SMG6: variants seen among roughly 807,000 people sequenced by gnomAD.
The protein encoded by SMG6 is telomerase-binding protein EST1A.
Under a neutral mutation model 142.2 loss-of-function variants are expected in SMG6, and 66 were observed. The ratio of observed to expected loss-of-function variants is 0.46; its 90% CI spans 0.38 to 0.57. The LOEUF is 0.57. Among genes scored for constraint, SMG6 ranks in the 20% least tolerant of loss-of-function variants. The probability of loss-of-function intolerance (pLI) is 0.00; values close to 1 mark genes in which losing one functional copy is unlikely to be tolerated. For synonymous variants in SMG6, 779 were observed against 702.4 expected, an observed-to-expected ratio of 1.11 and a Z score of -1.72; for missense variants, 1,793 against 1,832.0, an observed-to-expected ratio of 0.98 and a Z score of 0.39.
intron 9 of SMG6, among the ~76,000 whole-genome samples, chr17:2,241,388 ACT>A (rs1440537277): frequency 6.6e-6 from 1 of 152,186 alleles, no homozygotes; most frequent in Non-Finnish European, 1.5e-5. Flanking sequence ...AATTTCTCTT[ACT>A]GTCATCCCAT....
At position 2,078,109 on chromosome 17, in the gene SMG6, G is replaced by C. The variant is rs180992988; in HGVS notation, c.3681+3701C>G. On this transcript the variant is annotated intron_variant, in intron 15 of 18. Transcript: ENST00000263073. The stretch of plus-strand genomic sequence containing the variant: ...GCAGTGAATAGGAGCCTGGTGGGCA[G>C]GAGCCTGGTATGCTACAAACTCCAG... 4.3e-4 allele frequency among the ~76,000 whole-genome samples: 66 copies of C among 152,252 alleles called. 1 individual carries two copies. The East Asian group carries it at 0.012, about 27-fold the overall frequency.
At chr17:2,119,730 C>T (rs1423054390) in intron 13 of SMG6, among the ~76,000 whole-genome samples, 1 of 151,932 alleles carries the variant, frequency 6.6e-6, no homozygotes, top group African/African-American at 2.4e-5. Context: ...GGCGTGATCT[C>T]GGCTCACTGC....
chr17:2,149,041 C>T (rs1227432061), intron 13 of SMG6, among the ~76,000 whole-genome samples: 3 of 151,956 alleles, frequency 2.0e-5, no homozygotes, highest in East Asian at 1.9e-4. Context: ...TGCTGTAGAA[C>T]CGTACATTTA....
rs532900193 is a variant in SMG6, at chr17:2,091,440, G to C, written c.3358-5539C>G. 5.3e-5 allele frequency among the ~76,000 whole-genome samples: 8 copies of C among 152,288 alleles called. No individual in the cohort carries two copies. The South Asian group carries it at 1.2e-3, about 24-fold the overall frequency. ...GAAGTTGGTATGAAATTGAGAAAGA[G>C]GCTCATGGGTCAGAGAGGAGGGAAA... On this transcript the variant is annotated intron_variant, in intron 13 of 18. Transcript: ENST00000263073.
intron 16 of SMG6, 199 bp from the exon 17 acceptor site, chr17:2,065,878 C>T (rs1935413211): frequency 1.7e-6 from 1 of 591,668 alleles, no homozygotes; most frequent in Non-Finnish European, 3.0e-6. Context: ...GCTCTACTCC[C>T]TTTCTGTCTC....
At chr17:2,188,232 A>G (rs1458829961) in intron 11 of SMG6, among the ~76,000 whole-genome samples, 167 bp downstream of exon 11, 1 of 152,120 alleles carries the variant, frequency 6.6e-6, no homozygotes, top group Non-Finnish European at 1.5e-5. Flanking sequence ...TCAGACTGTA[A>G]AAGGAAATGG....
chr17:2,065,399 C>T, intron 17 of SMG6, 69 bp downstream of exon 17: 3 of 1,490,974 alleles, frequency 2.0e-6, no homozygotes, highest in Non-Finnish European at 1.8e-6. Flanking sequence ...CCTCCTTCAG[C>T]CCTTCCTTCC....
chr17:2,223,367 T>G (rs2073231471), intron 10 of SMG6, among the ~76,000 whole-genome samples: 1 of 152,202 alleles, frequency 6.6e-6, no homozygotes, highest in Admixed American at 6.5e-5. Flanking sequence ...CTTCAAGATA[T>G]GAGTCTTATA....
intron 13 of SMG6, among the ~76,000 whole-genome samples, chr17:2,126,925 T>C (rs1234208692): frequency 7.1e-6 from 1 of 140,986 alleles, no homozygotes; most frequent in Non-Finnish European, 1.5e-5. Context: ...GACACAAACA[T>C]ACATGCACAC....
chr17:2,297,185 CTAGA>C lies in SMG6; in HGVS notation c.2151+54_2151+57del, dbSNP rs767425770. 238 of 1,246,344 alleles carry C rather than the reference CTAGA, an allele frequency of 1.9e-4. 2 individuals are homozygous for C. The Middle Eastern group carries it at 2.3e-3, about 12-fold the overall frequency. The allele number at this position is 1,246,344 out of a possible 1,614,324, so 77.2% of individuals were successfully genotyped here. On this transcript the variant is annotated intron_variant, in intron 4 of 18. Coordinates refer to ENST00000263073, the MANE Select transcript of SMG6 (RefSeq NM_017575.5). ...TACAGTGTCTAGCACATACCTAACA[CTAGA>C]TAAACGCTTACGAAATGAATGAAAA...
intron 10 of SMG6, among the ~76,000 whole-genome samples, chr17:2,194,275 G>A (rs548413772): frequency 1.3e-5 from 2 of 152,310 alleles, no homozygotes; most frequent in Non-Finnish European, 2.9e-5. Flanking sequence ...AACAGTGAGG[G>A]AGCACTCACT....
chr17:2,297,275 G>C lies in SMG6; in HGVS notation c.2119C>G (p.Leu707Val). The C allele has an allele frequency of 6.2e-7, 1 of 1,611,100 alleles. No homozygotes were observed. The highest frequency in any genetic ancestry group is 1.1e-5 in the South Asian group (1 of 90,340). The change falls in exon 4 of 19, where the codon CTT (leucine) becomes GTT (valine). Residue 707 changes from leucine to valine, a missense_variant. Around this residue, in one of 3 missense-constraint regions of SMG6, gnomAD observed 1,597 missense variants for 1,584.6 expected, o/e 1.01. Transcript: ENST00000263073. Reference protein sequence around the residue: ...KFKLEDYMDGLAIRSKPLRKT... With the variant: ...KFKLEDYMDGVAIRSKPLRKT... ...CGTAATGGCTTGCTGCGAATGGCAA[G>C]ACCATCCATGTAGTCTTCCAGTTTG...
intron 13 of SMG6, among the ~76,000 whole-genome samples, chr17:2,160,245 G>C (rs1330632766): frequency 6.6e-6 from 1 of 152,076 alleles, no homozygotes; most frequent in African/African-American, 2.4e-5. Context: ...TTTTGAGACA[G>C]ATCTCACTCT....
At chr17:2,234,927 T>C (rs1567705836) in intron 10 of SMG6, among the ~76,000 whole-genome samples, 1 of 152,120 alleles carries the variant, frequency 6.6e-6, no homozygotes, top group African/African-American at 2.4e-5. Flanking sequence ...AAGCCACAGG[T>C]CATTTGGTGC....
intron 12 of SMG6, among the ~76,000 whole-genome samples, chr17:2,179,073 C>A (rs1009622565): frequency 6.6e-6 from 1 of 152,144 alleles, no homozygotes; most frequent in African/African-American, 2.4e-5. Context: ...GGGCTCCTGC[C>A]GTGGGAGAGA....
At chr17:2,187,620 C>T (rs2072031168) in intron 11 of SMG6, among the ~76,000 whole-genome samples, 1 of 151,942 alleles carries the variant, frequency 6.6e-6, no homozygotes, top group African/African-American at 2.4e-5. Context: ...GAACGTAAGC[C>T]CATATGGTAA....
chr17:2,112,524 A>AAAT (rs2069364116), intron 13 of SMG6, among the ~76,000 whole-genome samples: 1 of 139,684 alleles, frequency 7.2e-6, no homozygotes, highest in Non-Finnish European at 1.5e-5. Context: ...AATAAAATAA[A>AAAT]AAATAAATAA....
chr17:2,088,603 T>G, intron 13 of SMG6: 7 of 985,426 alleles, frequency 7.1e-6, no homozygotes, highest in Non-Finnish European at 8.4e-6. Flanking sequence ...TCTACCTGTT[T>G]GGAGAGAGAA....
chr17:2,199,422 C>T (rs2072442061), intron 10 of SMG6, among the ~76,000 whole-genome samples: 1 of 151,782 alleles, frequency 6.6e-6, no homozygotes, highest in South Asian at 2.1e-4. Flanking sequence ...CACTTGAGCC[C>T]AGGAATTCGA....
Sources: gnomAD v4.1 joint callset for allele counts (sites outside exome capture counted in the v4.1 genomes callset) on GRCh38, gnomAD v4.1.1 for gene constraint, gnomAD v4.1.1 regional missense constraint, MANE v1.5 for transcripts, NCBI Gene and HGNC (gene_info 2026-07-23, HGNC 2026-07-21) for gene names.